Variants in ZNF267 observed in about 807,000 individuals in gnomAD.
ZNF267 encodes zinc finger (C2H2).
In ZNF267, 61 loss-of-function variants were observed where a neutral mutation model predicts 71.6. The observed-to-expected ratio is 0.85, with a 90% CI of 0.69 to 1.05. The LOEUF (loss-of-function observed/expected upper bound fraction) is 1.05. Ranked by LOEUF, ZNF267 falls within the 50% of genes least tolerant of loss-of-function variation. ZNF267 has a pLI of 0.00. For synonymous variants in ZNF267, 288 were observed against 293.2 expected (o/e 0.98, Z 0.18); for missense variants, 852 against 870.0 (o/e 0.98, Z 0.26).
chr16:31,892,352 C>G (rs1354859455), intron 3 of ZNF267, among the ~76,000 whole-genome samples: 2 of 152,154 alleles, frequency 1.3e-5, no homozygotes, highest in Non-Finnish European at 2.9e-5. Context: ...CCGACCAGGT[C>G]CCTCCCACAA....
chr16:31,901,166 T>G (rs1240407690), intron 3 of ZNF267, among the ~76,000 whole-genome samples: 3 of 152,170 alleles, frequency 2.0e-5, no homozygotes, highest in Non-Finnish European at 2.9e-5. Context: ...TTCCATGGTG[T>G]ATATGTGCCA....
At chr16:31,889,544 A>C (rs1252138625) in intron 3 of ZNF267, among the ~76,000 whole-genome samples, 1 of 152,188 alleles carries the variant, frequency 6.6e-6, no homozygotes, top group African/African-American at 2.4e-5. Context: ...TTTAATGTCA[A>C]CACTGTATTA....
At chr16:31,889,351 A>C (rs1404443693) in intron 3 of ZNF267, among the ~76,000 whole-genome samples, 1 of 151,938 alleles carries the variant, frequency 6.6e-6, no homozygotes, top group African/African-American at 2.4e-5. Flanking sequence ...TGAGGATTAC[A>C]GTTAGATTGC....
chr16:31,899,177 C>G (rs1336776409), intron 3 of ZNF267, among the ~76,000 whole-genome samples: 1 of 152,180 alleles, frequency 6.6e-6, no homozygotes, highest in Non-Finnish European at 1.5e-5. Flanking sequence ...CTGGACCAAG[C>G]AGACCTAATA....
intron 3 of ZNF267, among the ~76,000 whole-genome samples, chr16:31,898,181 T>C (rs1023409605): frequency 3.9e-5 from 6 of 152,192 alleles, no homozygotes; most frequent in African/African-American, 1.4e-4. Context: ...ATGCTTGTTA[T>C]AGCTTTCTGG....
intron 1 of ZNF267, among the ~76,000 whole-genome samples, chr16:31,882,217 A>G (rs2142332437): frequency 6.6e-6 from 1 of 152,308 alleles, no homozygotes; most frequent in African/African-American, 2.4e-5. Context: ...ACACTGCTTT[A>G]ATGCATGTAT....
chr16:31,883,278 C>G (rs1303280477), intron 1 of ZNF267, among the ~76,000 whole-genome samples: 1 of 151,866 alleles, frequency 6.6e-6, no homozygotes, highest in Non-Finnish European at 1.5e-5. Flanking sequence ...ATGTATTGGT[C>G]TTTATAAAGG....
chr16:31,893,111 C>T (rs776198192), intron 3 of ZNF267, among the ~76,000 whole-genome samples: 24 of 152,244 alleles, frequency 1.6e-4, no homozygotes, highest in Admixed American at 6.5e-4. Flanking sequence ...GAAATCTAAA[C>T]GGGGGTTCCC....
intron 3 of ZNF267, among the ~76,000 whole-genome samples, chr16:31,897,826 A>G (rs989234686): frequency 6.6e-6 from 1 of 152,172 alleles, no homozygotes; most frequent in Non-Finnish European, 1.5e-5. Flanking sequence ...GTAGTCAAAA[A>G]TAATACTTTG....
At chr16:31,887,370 G>A (rs1289167100) in intron 3 of ZNF267, among the ~76,000 whole-genome samples, 1 of 149,446 alleles carries the variant, frequency 6.7e-6, no homozygotes, top group African/African-American at 2.5e-5. Context: ...TGTGTTTGCT[G>A]TGCATACACT....
At chr16:31,892,446 C>T (rs924494681) in intron 3 of ZNF267, among the ~76,000 whole-genome samples, 11 of 152,172 alleles carry the variant, frequency 7.2e-5, no homozygotes, top group Admixed American at 6.5e-5. Context: ...AATCTCATGT[C>T]CTCACATTTC....
In ZNF267 at chr16:31,916,541, A is replaced by G; in HGVS notation, c.*60A>G. ...ACCCATGTCTTATTGTGCATCAGATAATTTATATGGGAGTGAAACCCTACA... is the reference window on the plus strand; with the variant it reads ...ACCCATGTCTTATTGTGCATCAGATGATTTATATGGGAGTGAAACCCTACA... On this transcript the variant is annotated 3_prime_UTR_variant, in exon 4 of 4. Transcript: ENST00000300870. 6.7e-7 allele frequency: 1 copy of G among 1,484,312 alleles called. No homozygotes were observed. The highest frequency in any genetic ancestry group is 9.1e-7 in the Non-Finnish European group (1 of 1,098,134). The allele number at this position is 1,484,312 out of a possible 1,614,324, so 91.9% of individuals were successfully genotyped here. A position where few individuals can be genotyped will look rare whatever the true frequency, so the allele number is the denominator to read the frequency against.
rs1470822335 is a variant in ZNF267, at chr16:31,916,597, A to C, written c.*116A>C. ...TAAGAATGTGGCATAACCTTTAACT[A>C]TTTTCAAGCCTTACACAATAGCAGA... is the stretch of plus-strand genomic sequence containing the variant. On this transcript the variant is annotated 3_prime_UTR_variant, in exon 4 of 4. Transcript: ENST00000300870. The C allele has an allele frequency of 4.8e-6, 5 of 1,034,068 alleles. No individual in the cohort carries two copies. The African/African-American group carries it at 8.1e-5, about 17-fold the overall frequency. 64.1% of individuals were successfully genotyped at this position (1,034,068 alleles called of 1,614,324 possible).
chr16:31,903,681 CTTCT>C (rs1334473342), intron 3 of ZNF267, among the ~76,000 whole-genome samples: 1 of 152,024 alleles, frequency 6.6e-6, no homozygotes, highest in African/African-American at 2.4e-5. Context: ...TCTCTCTTTT[CTTCT>C]TTATTAGTCT....
intron 3 of ZNF267, among the ~76,000 whole-genome samples, chr16:31,897,752 T>C (rs1467133863): frequency 6.6e-6 from 1 of 152,150 alleles, no homozygotes; most frequent in South Asian, 2.1e-4. Flanking sequence ...TGAGACTGTT[T>C]AATTTCTACA....
chr16:31,885,257 G>A lies in ZNF267; in HGVS notation c.226+1G>A. The A allele has an allele frequency of 6.2e-7, 1 of 1,605,290 alleles. No individual in the cohort carries two copies. The highest frequency in any genetic ancestry group is 1.1e-5 in the South Asian group (1 of 90,310). On this transcript the variant is annotated splice_donor_variant, in intron 3 of 3. Coordinates refer to ENST00000300870, the MANE Select transcript of ZNF267 (RefSeq NM_003414.6). LOFTEE classifies it high-confidence loss of function. The stretch of plus-strand genomic sequence containing the variant: ...GAGGAGACAGTAGCCATCCAGCCAG[G>A]TAGGTGGGAGCGAATGAAGTAGATG...
In ZNF267 at chr16:31,917,039, T is replaced by C. The variant is rs559958882; in HGVS notation, c.*558T>C. 2 of 152,672 alleles carry C rather than the reference T, an allele frequency of 1.3e-5. No homozygotes were observed. Among genetic ancestry groups the C allele is most frequent in the African/African-American group, 4.8e-5 (2 of 41,474 alleles). The allele number at this position is 152,672 out of a possible 1,614,324, so 9.5% of individuals were successfully genotyped here. The stretch of plus-strand genomic sequence containing the variant: ...GTATATTTCATAGATACTTCATTTG[T>C]ATTTACAGTATTTGAGGTTTTTGGA... On this transcript the variant is annotated 3_prime_UTR_variant, in exon 4 of 4. Transcript: ENST00000300870.
intron 3 of ZNF267, among the ~76,000 whole-genome samples, chr16:31,911,512 G>T (rs774051690): frequency 1.3e-5 from 2 of 151,338 alleles, no homozygotes; most frequent in Non-Finnish European, 2.9e-5. Context: ...CATTGGCATG[G>T]AACATTTTTC....
intron 1 of ZNF267, among the ~76,000 whole-genome samples, chr16:31,881,974 C>T (rs1474235883): frequency 6.6e-6 from 1 of 152,108 alleles, no homozygotes; most frequent in Admixed American, 6.5e-5. Context: ...TGGAGAAATT[C>T]TTGTGAACTA....
Sources: gnomAD v4.1 joint callset for allele counts (sites outside exome capture counted in the v4.1 genomes callset) on GRCh38, gnomAD v4.1.1 for gene constraint, MANE v1.5 for transcripts, NCBI Gene and HGNC (gene_info 2026-07-23, HGNC 2026-07-21) for gene names.